Variants in SPPL2B observed in about 807,000 individuals in gnomAD.
SPPL2B encodes the protein signal peptide peptidase-like 2B.
SPPL2B carries 39 observed loss-of-function variants against 59.7 expected under a neutral mutation model. The ratio of observed to expected loss-of-function variants is 0.65; its 90% CI spans 0.51 to 0.85. The LOEUF (loss-of-function observed/expected upper bound fraction) is 0.85, where lower values mean the gene tolerates loss of function less well. Among genes scored for constraint, SPPL2B ranks in the 40% least tolerant of loss-of-function variants. SPPL2B has a pLI of 0.00. For synonymous variants in SPPL2B, 419 were observed against 370.8 expected, an observed-to-expected ratio of 1.13 and a Z score of -1.49; for missense variants, 865 against 849.0, an observed-to-expected ratio of 1.02 and a Z score of -0.23.
At position 2,353,574 on chromosome 19, in the gene SPPL2B, C is replaced by T. The variant is rs1474537309; in HGVS notation, c.*365C>T. The T allele has an allele frequency of 8.2e-6, 2 of 245,210 alleles. No individual in the cohort carries two copies. The highest frequency in any genetic ancestry group is 5.1e-5 in the Admixed American group (1 of 19,744). The allele number at this position is 245,210 out of a possible 1,614,324, so 15.2% of individuals were successfully genotyped here. On this transcript the variant is annotated 3_prime_UTR_variant, in exon 15 of 15. Coordinates refer to ENST00000613503, the MANE Select transcript of SPPL2B (RefSeq NM_152988.3). Reference sequence around the variant, plus strand: ...ACTCTGGCCGCGGCCACACTTGGTGCTCACCAGCTGCTTCGGCCTTCAGGT... The same window carrying T: ...ACTCTGGCCGCGGCCACACTTGGTGTTCACCAGCTGCTTCGGCCTTCAGGT...
At position 2,353,025 on chromosome 19, in the gene SPPL2B, C is replaced by G. The variant is rs774589101; in HGVS notation, c.1595C>G (p.Ser532Cys). 4 of 1,612,174 alleles carry G rather than the reference C, an allele frequency of 2.5e-6. No homozygotes were observed. Among genetic ancestry groups the G allele is most frequent in the South Asian group, 1.1e-5 (1 of 91,072 alleles). Residue 532 changes from serine to cysteine, a missense_variant, in exon 15 of 15, where the codon TCC becomes TGC. Physicochemically the swap from Ser to Cys is moderately radical, Grantham distance 112. Transcript: ENST00000613503. ...CCCAAAGACTCTGCCACGCCACTCT[C>G]CCCGCAGCCGCCCAGCGAAGAACCA... ...QPPKDSATPL[S>C]PQPPSEEPAT...
intron 2 of SPPL2B, among the ~76,000 whole-genome samples, chr19:2,335,655 C>T (rs56393918): frequency 0.13 from 18,348 of 138,662 alleles, 1,387 homozygotes; most frequent in African/African-American, 0.19. Context: ...CTTTCCCACC[C>T]CATCCCTCAG....
intron 1 of SPPL2B, among the ~76,000 whole-genome samples, chr19:2,334,375 C>T (rs1261347974): frequency 6.6e-6 from 1 of 152,224 alleles, no homozygotes; most frequent in Non-Finnish European, 1.5e-5. Context: ...TCATGGTCAC[C>T]AGCCTGGGGC....
At chr19:2,349,670 T>C (rs1393209431) in intron 13 of SPPL2B, among the ~76,000 whole-genome samples, 3 of 73,776 alleles carry the variant, frequency 4.1e-5, no homozygotes, top group African/African-American at 7.7e-5. Flanking sequence ...CACACACTCG[T>C]GTTCTCATTC....
At position 2,343,961 on chromosome 19, in the gene SPPL2B, G is replaced by A. The variant is rs373550130; in HGVS notation, c.1039-4G>A. The A allele has an allele frequency of 2.6e-6, 4 of 1,547,432 alleles. No homozygotes were observed. Among genetic ancestry groups the A allele is most frequent in the Admixed American group, 2.0e-5 (1 of 50,948 alleles). On this transcript the variant is annotated splice_polypyrimidine_tract_variant and splice_region_variant and intron_variant, in intron 9 of 14. Transcript: ENST00000613503. ...GGGGCCGCCCTCAGCCGTGGGCTTCGCAGGCCTGCACGCTGCTGCTGCTGG... is the reference window on the plus strand; with the variant it reads ...GGGGCCGCCCTCAGCCGTGGGCTTCACAGGCCTGCACGCTGCTGCTGCTGG...
chr19:2,351,970 T>C (rs1260613283), intron 14 of SPPL2B, among the ~76,000 whole-genome samples: 1 of 152,078 alleles, frequency 6.6e-6, no homozygotes. Context: ...CGGGCATCCA[T>C]CGCCTCTCCT....
intron 13 of SPPL2B, among the ~76,000 whole-genome samples, chr19:2,345,710 T>C (rs1171303500): frequency 2.0e-5 from 3 of 150,538 alleles, no homozygotes; most frequent in Admixed American, 2.0e-4. Flanking sequence ...TTCCTGGGCC[T>C]GTGCCTCCGT....
intron 13 of SPPL2B, among the ~76,000 whole-genome samples, chr19:2,349,778 TTC>T (rs147939745): frequency 4.5e-5 from 6 of 132,364 alleles, no homozygotes; most frequent in South Asian, 4.7e-4. Flanking sequence ...CTTGATTCCG[TTC>T]TCTCTCCACA....
intron 8 of SPPL2B, chr19:2,341,555 G>T (rs1297066431): frequency 8.8e-6 from 4 of 453,162 alleles, no homozygotes; most frequent in African/African-American, 4.0e-5. Context: ...GCCTGGTGCC[G>T]TGTTGGGAGG....
rs749775410 is a variant in SPPL2B at position 2,340,903 on chromosome 19, C to A, written c.845C>A (p.Pro282His). Residue 282 changes from proline to histidine, a missense_variant, in exon 8 of 15, where the codon CCC (proline) becomes CAC (histidine). By Grantham distance (77) the Pro-to-His change is moderately conservative. Transcript: ENST00000613503. ...RRLPFGKCRI[P>H]NNSLPYFHKR... ...GACTGCCCCGTGCCCCCCAGGATCC[C>A]CAACAACAGCCTGCCCTACTTCCAC... The A allele has an allele frequency of 5.7e-6, 9 of 1,589,570 alleles. No individual in the cohort carries two copies. The African/African-American group carries it at 9.4e-5, about 17-fold the overall frequency.
Position 2,351,520 on chromosome 19 carries a change from A to C in SPPL2B, c.1441A>C (p.Thr481Pro). Residue 481 changes from threonine (T) to proline (P), a missense_variant, in exon 14 of 15, where the codon ACG (threonine) becomes CCG (proline). By Grantham distance (38) the Thr-to-Pro change is conservative. Transcript: ENST00000613503. Reference sequence around the variant, plus strand: ...CGCTCTCCTCTACCTGGTGCCCTGCACGCTGGTGACGAGCTGCGCTGTGGC... The same window carrying C: ...CGCTCTCCTCTACCTGGTGCCCTGCCCGCTGGTGACGAGCTGCGCTGTGGC... ...QPALLYLVPC[T>P]LVTSCAVALW... 1.2e-6 allele frequency: 2 copies of C among 1,611,274 alleles called. No individual in the cohort carries two copies. The highest frequency in any genetic ancestry group is 2.2e-5 in the South Asian group (2 of 91,060).
chr19:2,346,962 CTTT>C (rs60979785), intron 13 of SPPL2B, among the ~76,000 whole-genome samples: 3,083 of 152,214 alleles, frequency 0.02, 71 homozygotes, highest in African/African-American at 0.06. Flanking sequence ...CACAGCGGCT[CTTT>C]TTTTAAGAGT....
intron 3 of SPPL2B, 76 bp downstream of exon 3, chr19:2,337,701 G>A (rs910382767): frequency 1.4e-6 from 2 of 1,392,944 alleles, no homozygotes; most frequent in East Asian, 4.9e-5. Flanking sequence ...GATGGCAGCA[G>A]CTGGGGCTGG....
chr19:2,338,679 C>T (rs1425065364), intron 3 of SPPL2B, 73 bp from the exon 4 acceptor site: 7 of 1,055,388 alleles, frequency 6.6e-6, no homozygotes, highest in African/African-American at 6.3e-5. Flanking sequence ...GGAGAGGAGG[C>T]GAATGGGCAC....
Position 2,340,895 on chromosome 19 carries a change from C to T in SPPL2B, c.840-3C>T. On this transcript the variant is annotated splice_polypyrimidine_tract_variant and splice_region_variant and intron_variant, in intron 7 of 14. Transcript: ENST00000613503. ...TTGGCTCTGACTGCCCCGTGCCCCC[C>T]AGGATCCCCAACAACAGCCTGCCCT... 6.3e-7 allele frequency: 1 copy of T among 1,579,796 alleles called. No individual in the cohort carries two copies.
chr19:2,341,153 G>A (rs1969018530), intron 8 of SPPL2B, 139 bp downstream of exon 8: 2 of 724,632 alleles, frequency 2.8e-6, no homozygotes, highest in African/African-American at 1.7e-5. Context: ...GAAGAGCCCT[G>A]GCCCCGGGCT....
intron 1 of SPPL2B, chr19:2,330,679 G>C (rs988541591): frequency 3.9e-5 from 6 of 152,764 alleles, no homozygotes; most frequent in African/African-American, 1.4e-4. Flanking sequence ...CACAGAGGAG[G>C]GGGCAGTGGT....
chr19:2,331,196 C>T (rs1488571597), intron 1 of SPPL2B, among the ~76,000 whole-genome samples: 2 of 151,694 alleles, frequency 1.3e-5, no homozygotes, highest in Admixed American at 6.6e-5. Context: ...TCCTGGAACT[C>T]CTCAGTCTTC....
intron 13 of SPPL2B, among the ~76,000 whole-genome samples, chr19:2,347,226 C>T (rs1212168777): frequency 1.4e-5 from 2 of 141,206 alleles, no homozygotes; most frequent in Non-Finnish European, 3.1e-5. Flanking sequence ...CACACACACT[C>T]ACGCGCTCTC....
Sources: gnomAD v4.1 joint callset for allele counts (sites outside exome capture counted in the v4.1 genomes callset) on GRCh38, gnomAD v4.1.1 for gene constraint, MANE v1.5 for transcripts, NCBI Gene and HGNC (gene_info 2026-07-23, HGNC 2026-07-21) for gene names.